Variants in VPS13D observed in about 807,000 individuals in gnomAD.
The protein encoded by VPS13D is vacuolar protein sorting 13 homolog D.
In VPS13D, 187 loss-of-function variants were observed where a neutral mutation model predicts 461.9. The observed-to-expected ratio is 0.40, with a 90% CI of 0.36 to 0.46. The LOEUF (loss-of-function observed/expected upper bound fraction) is 0.46, where lower values mean the gene tolerates loss of function less well. Among genes scored for constraint, VPS13D ranks in the 20% least tolerant of loss-of-function variants. VPS13D has a pLI of 0.60. For synonymous variants in VPS13D, 1,951 were observed against 1,986.3 expected, an observed-to-expected ratio of 0.98 and a Z score of 0.47; for missense variants, 4,711 against 5,364.9, an observed-to-expected ratio of 0.88 and a Z score of 3.81.
intron 31 of VPS13D, 106 bp downstream of exon 31, chr1:12,318,443 C>T (rs1642947367): frequency 7.1e-7 from 1 of 1,403,186 alleles, no homozygotes; most frequent in African/African-American, 1.4e-5. Context: ...CACGTGAGCA[C>T]TTACACATTT....
intron 49 of VPS13D, among the ~76,000 whole-genome samples, chr1:12,357,356 ATGCAGCCAGCCTCTTGGCATG>A (rs1425105895): frequency 1.3e-5 from 2 of 152,292 alleles, no homozygotes; most frequent in African/African-American, 4.8e-5. Context: ...ATTGTAGGGG[ATGCAGCCAGCCTCTTGGCATG>A]TGCAGCCAGC....
Position 12,249,248 on chromosome 1 carries a change from G to A in VPS13D, c.473G>A (p.Arg158His), listed in dbSNP as rs777184236. ...IELKIQDVHL[R>H]FEDGVTNPSH... The stretch of plus-strand genomic sequence containing the variant: ...TTAAAAATTCAAGATGTCCATTTAC[G>A]CTTTGAAGATGGTGTCACCAATCCC... The change falls in exon 6 of 70, where the codon CGC (arginine) becomes CAC (histidine). Residue 158 changes from arginine (R) to histidine (H), a missense_variant. By Grantham distance (29) the Arg-to-His change is conservative. This residue lies in a region of VPS13D where 4,411 missense variants were observed against 4,937.8 expected (regional missense o/e 0.89). Transcript: ENST00000620676. 19 of 1,612,312 alleles carry A rather than the reference G, an allele frequency of 1.2e-5. No individual in the cohort carries two copies. The highest frequency in any genetic ancestry group is 2.2e-5 in the East Asian group (1 of 44,800).
chr1:12,357,211 A>G (rs561864377), intron 49 of VPS13D, among the ~76,000 whole-genome samples: 3 of 152,396 alleles, frequency 2.0e-5, no homozygotes, highest in African/African-American at 7.2e-5. Flanking sequence ...TGTTATCGGT[A>G]GAATCGTGCT....
intron 65 of VPS13D, among the ~76,000 whole-genome samples, chr1:12,454,992 C>G (rs1296236646): frequency 2.0e-5 from 3 of 152,186 alleles, no homozygotes; most frequent in Admixed American, 2.0e-4. Context: ...TTCAGATTGT[C>G]TTGTGACAAA....
intron 68 of VPS13D, among the ~76,000 whole-genome samples, chr1:12,501,972 T>C (rs1210251899): frequency 6.6e-6 from 1 of 152,092 alleles, no homozygotes; most frequent in Non-Finnish European, 1.5e-5. Context: ...CTGGGGAATT[T>C]GGGGTCAGCT....
At position 12,283,075 on chromosome 1, in the gene VPS13D, A is replaced by G. The variant is rs766348081; in HGVS notation, c.4973A>G (p.His1658Arg). 1 of 1,614,192 alleles carries G rather than the reference A, an allele frequency of 6.2e-7. No homozygotes were observed. Among genetic ancestry groups the G allele is most frequent in the South Asian group, 1.1e-5 (1 of 91,080 alleles). Reference protein sequence around the residue: ...QDFEVEFSKDHPQTLSIQIAL... With the variant: ...QDFEVEFSKDRPQTLSIQIAL... ...TTTGAGGTGGAATTCAGTAAAGACCATCCCCAGACTTTATCTATTCAGATT... is the reference window on the plus strand; with the variant it reads ...TTTGAGGTGGAATTCAGTAAAGACCGTCCCCAGACTTTATCTATTCAGATT... Residue 1658 changes from histidine to arginine, a missense_variant, in exon 21 of 70, where the codon CAT becomes CGT. Physicochemically the swap from His to Arg is conservative, Grantham distance 29. Coordinates refer to ENST00000620676, the MANE Select transcript of VPS13D (RefSeq NM_015378.4).
chr1:12,387,944 A>G (rs898371724), intron 60 of VPS13D, among the ~76,000 whole-genome samples: 4 of 152,260 alleles, frequency 2.6e-5, no homozygotes, highest in Admixed American at 1.3e-4. Context: ...GTATCAGCAG[A>G]CCCATGCTAC....
rs185435148 is a variant in VPS13D, at chr1:12,407,466, A to G, written c.12030+3493A>G. Reference sequence around the variant, plus strand: ...ATGAACACAAGATTGCCTTCTCCAAAATCCATTTTATAACAGGAAACTGTC... The same window carrying G: ...ATGAACACAAGATTGCCTTCTCCAAGATCCATTTTATAACAGGAAACTGTC... On this transcript the variant is annotated intron_variant, in intron 63 of 69. Transcript: ENST00000620676. The G allele has an allele frequency of 4.6e-5, 7 of 152,324 alleles. No individual in the cohort carries two copies. The East Asian group carries it at 7.7e-4, about 17-fold the overall frequency. 9.4% of individuals were successfully genotyped at this position (152,324 alleles called of 1,614,324 possible). A position where few individuals can be genotyped will look rare whatever the true frequency, so the allele number is the denominator to read the frequency against.
At chr1:12,445,108 A>G (rs1369577898) in intron 65 of VPS13D, among the ~76,000 whole-genome samples, 1 of 152,258 alleles carries the variant, frequency 6.6e-6, no homozygotes, top group Non-Finnish European at 1.5e-5. Flanking sequence ...AGATGAGGTC[A>G]GAGACAGTGT....
intron 42 of VPS13D, among the ~76,000 whole-genome samples, 158 bp downstream of exon 42, chr1:12,343,209 C>G (rs1557721460): frequency 6.6e-6 from 1 of 151,884 alleles, no homozygotes; most frequent in Admixed American, 6.6e-5. Context: ...TCTTCTTGCT[C>G]TGTTGCCCAG....
At chr1:12,428,736 G>T (rs117917831) in intron 65 of VPS13D, among the ~76,000 whole-genome samples, 152,220 of 152,344 alleles carry the variant, frequency 1, 76,048 homozygotes, top group Middle Eastern at 1. Flanking sequence ...TTACCTTGAA[G>T]TGTAACCATT....
Position 12,506,898 on chromosome 1 carries a change from C to T in VPS13D, c.12840C>T (p.Ser4280=). The T allele has an allele frequency of 1.2e-6, 2 of 1,614,270 alleles. No individual in the cohort carries two copies. The highest frequency in any genetic ancestry group is 2.2e-5 in the East Asian group (1 of 44,878). ...ENIDSYCVLI[S]SKAVYFLKSG... ...TTGACAGCTACTGCGTGCTCATCTC[C>T]TCCAAAGCTGTTTACTTCCTGAAAA... Residue 4280 remains serine (S), a synonymous_variant, in exon 69 of 70, where the codon TCC becomes TCT. Coordinates refer to ENST00000620676, the MANE Select transcript of VPS13D (RefSeq NM_015378.4).
chr1:12,249,409 C>A (rs1640663582), intron 6 of VPS13D, 70 bp downstream of exon 6: 2 of 1,272,430 alleles, frequency 1.6e-6, no homozygotes, highest in Non-Finnish European at 2.2e-6. Flanking sequence ...CTGCCTTTTG[C>A]CATTTTGTGT....
At chr1:12,358,399 A>G (rs914680612) in intron 49 of VPS13D, 60 bp from the exon 50 acceptor site, 33 of 1,596,038 alleles carry the variant, frequency 2.1e-5, no homozygotes, top group Non-Finnish European at 2.7e-5. Flanking sequence ...CCCAATTAGA[A>G]CAGGCAGATA....
chr1:12,308,623 T>G lies in VPS13D; in HGVS notation c.6632T>G (p.Val2211Gly), dbSNP rs1381912008. The G allele has an allele frequency of 1.9e-6, 3 of 1,609,584 alleles. No individual in the cohort carries two copies. Among genetic ancestry groups the G allele is most frequent in the South Asian group, 2.2e-5 (2 of 90,562 alleles). ...LTEPCRLKLQ[V>G]ERNLDKEISH... is the part of the protein sequence containing the mutation. The stretch of plus-strand genomic sequence containing the variant: ...GAGCCTTGTAGGCTGAAATTGCAGG[T>G]GGAAAGGAATTTGGACAAGTGAGTG... The change falls in exon 27 of 70, where the codon GTG becomes GGG. Residue 2211 changes from valine (V) to glycine (G), a missense_variant. This residue lies in a region of VPS13D where 4,411 missense variants were observed against 4,937.8 expected (regional missense o/e 0.89). Coordinates refer to ENST00000620676, the MANE Select transcript of VPS13D (RefSeq NM_015378.4).
chr1:12,308,484 A>G lies in VPS13D; in HGVS notation c.6493A>G (p.Ile2165Val). 1 of 1,614,094 alleles carries G rather than the reference A, an allele frequency of 6.2e-7. No individual in the cohort carries two copies. Among genetic ancestry groups the G allele is most frequent in the Non-Finnish European group, 8.5e-7 (1 of 1,180,016 alleles). ...TGTCGTGGATCTCCAGGACATGGAC[A>G]TCTTTGCTGCAGAGAGACATCCGAG... ...CVVVDLQDMD[I>V]FAAERHPREY... The change falls in exon 27 of 70, where the codon ATC becomes GTC. Residue 2165 changes from isoleucine (I) to valine (V), a missense_variant. By Grantham distance (29) the Ile-to-Val change is conservative. Transcript: ENST00000620676.
Position 12,379,615 on chromosome 1 carries a change from C to G in VPS13D, c.11190+19C>G, listed in dbSNP as rs749202230. On this transcript the variant is annotated intron_variant, in intron 57 of 69. Transcript: ENST00000620676. Reference sequence around the variant, plus strand: ...CGTCCAGGTCAGTCGTTTTTGATCCCCAATTGCAGCAAGCAGTGGTTGAGC... The same window carrying G: ...CGTCCAGGTCAGTCGTTTTTGATCCGCAATTGCAGCAAGCAGTGGTTGAGC... The G allele has an allele frequency of 1.3e-6, 2 of 1,584,950 alleles. No homozygotes were observed. The highest frequency in any genetic ancestry group is 2.7e-5 in the African/African-American group (2 of 74,124).
chr1:12,280,467 G>T (rs1243894023), intron 20 of VPS13D, among the ~76,000 whole-genome samples: 1 of 151,190 alleles, frequency 6.6e-6, no homozygotes, highest in Non-Finnish European at 1.5e-5. Context: ...AATCTAGCAT[G>T]TGATGTAAAT....
chr1:12,369,342 G>T (rs1644085141), intron 53 of VPS13D, 125 bp from the exon 54 acceptor site: 1 of 828,298 alleles, frequency 1.2e-6, no homozygotes, highest in Non-Finnish European at 1.9e-6. Flanking sequence ...TTTCACTGGG[G>T]CTTATTTCCT....
Sources: allele counts gnomAD v4.1 joint callset (sites outside exome capture counted in the v4.1 genomes callset), GRCh38; gene constraint gnomAD v4.1.1; regional missense constraint gnomAD v4.1.1; transcripts MANE v1.5; gene names NCBI Gene and HGNC (gene_info 2026-07-23, HGNC 2026-07-21).